Variants in CSNK1D observed in about 807,000 individuals in gnomAD.
CSNK1D encodes casein kinase I isoform delta.
Under a neutral mutation model 46.6 loss-of-function variants are expected in CSNK1D, and 16 were observed. That is an observed-to-expected ratio of 0.34 (90% CI 0.23 to 0.52). The LOEUF (loss-of-function observed/expected upper bound fraction) is 0.52. Ranked by LOEUF, CSNK1D falls within the 20% of genes least tolerant of loss-of-function variation. CSNK1D has a pLI of 0.95. For missense variants in CSNK1D, 398 were observed against 578.4 expected (o/e 0.69, Z 3.20); for synonymous variants, 276 against 228.2 (o/e 1.21, Z -1.89).
At position 82,252,987 on chromosome 17, in the gene CSNK1D, G is replaced by T; in HGVS notation, c.565+29C>A. The stretch of plus-strand genomic sequence containing the variant: ...CATGGACGCGCCCAAAGGCACCCCA[G>T]GTCAGTGACCCCATGCCCAGGGGCT... On this transcript the variant is annotated intron_variant, in intron 4 of 8. Transcript: ENST00000314028. The surrounding 1 kb of genome is among the most constrained non-coding windows in gnomAD (Gnocchi z 4.6). 6.2e-7 allele frequency: 1 copy of T among 1,604,886 alleles called. No homozygotes were observed. Among genetic ancestry groups the T allele is most frequent in the Non-Finnish European group, 8.5e-7 (1 of 1,171,780 alleles).
chr17:82,242,077 GCT>G (rs2050748235), downstream of CSNK1D, among the ~76,000 whole-genome samples: 1 of 150,340 alleles, frequency 6.7e-6, no homozygotes. Context: ...TGGGAGGGGA[GCT>G]GGGAGGGGAG....
At position 82,250,308 on chromosome 17, in the gene CSNK1D, G is replaced by C; in HGVS notation, c.886-706C>G. 1.2e-6 allele frequency: 1 copy of C among 813,772 alleles called. No individual in the cohort carries two copies. Among genetic ancestry groups the C allele is most frequent in the Non-Finnish European group, 1.8e-6 (1 of 561,164 alleles). The allele number at this position is 813,772 out of a possible 1,614,324, so 50.4% of individuals were successfully genotyped here. A position where few individuals can be genotyped will look rare whatever the true frequency, so the allele number is the denominator to read the frequency against. ...CATTGGACACAGCCACGTTCACCAGGCAACACACAGACCGACACACCTGCG... is the reference window on the plus strand; with the variant it reads ...CATTGGACACAGCCACGTTCACCAGCCAACACACAGACCGACACACCTGCG... On this transcript the variant is annotated intron_variant, in intron 6 of 8. Transcript: ENST00000314028. This position sits in a 1 kb window ranked among gnomAD's most constrained non-coding sequence, Gnocchi z 4.6.
Position 82,243,097 on chromosome 17 carries a change from C to A in CSNK1D, c.*1684G>T. 2 of 985,498 alleles carry A rather than the reference C, an allele frequency of 2.0e-6. No homozygotes were observed. The highest frequency in any genetic ancestry group is 9.4e-5 in the South Asian group (2 of 21,288). The allele number at this position is 985,498 out of a possible 1,614,324, so 61.0% of individuals were successfully genotyped here. A position where few individuals can be genotyped will look rare whatever the true frequency, so the allele number is the denominator to read the frequency against. ...CTGTACTTCAACACACAGCTCCCACCCGCTCAAGGCCCCGTACTCCAAAAC... is the reference window on the plus strand; with the variant it reads ...CTGTACTTCAACACACAGCTCCCACACGCTCAAGGCCCCGTACTCCAAAAC... On this transcript the variant is annotated 3_prime_UTR_variant, in exon 9 of 9. Coordinates refer to ENST00000314028, the MANE Select transcript of CSNK1D (RefSeq NM_001893.6).
Position 82,253,109 on chromosome 17 carries a change from C to G in CSNK1D, c.472G>C (p.Asp158His). ...GGGATGTGCTGGTGGGTGCGTGCAT[C>G]CCGGTACTTCTTGGCCAGCCCGAAG... is the stretch of plus-strand genomic sequence containing the variant. ...IDFGLAKKYR[D>H]ARTHQHIPYR... The change falls in exon 4 of 9, where the codon GAT becomes CAT. Residue 158 changes from aspartate (D) to histidine (H), a missense_variant. Transcript: ENST00000314028. 1 of 1,614,184 alleles carries G rather than the reference C, an allele frequency of 6.2e-7. No homozygotes were observed. The highest frequency in any genetic ancestry group is 8.5e-7 in the Non-Finnish European group (1 of 1,180,016).
chr17:82,261,347 C>T (rs964841483), intron 2 of CSNK1D, among the ~76,000 whole-genome samples: 7 of 152,098 alleles, frequency 4.6e-5, no homozygotes, highest in Admixed American at 6.6e-5. Context: ...GCCACTCATG[C>T]TGCTATTTGT....
rs1040784755 is a variant in CSNK1D at position 82,248,770 on chromosome 17, T to C, written c.1197+105A>G. The stretch of plus-strand genomic sequence containing the variant: ...TGGCGAGATTAAAAACTCTCAAAAA[T>C]GGGGGGAAGAAAGGAAAGAAGAAGC... On this transcript the variant is annotated intron_variant, in intron 8 of 8. Transcript: ENST00000314028. This position sits in a 1 kb window ranked among gnomAD's most constrained non-coding sequence, Gnocchi z 4.1. 3.9e-6 allele frequency: 6 copies of C among 1,526,610 alleles called. No individual in the cohort carries two copies. The highest frequency in any genetic ancestry group is 4.4e-6 in the Non-Finnish European group (5 of 1,139,120). 94.6% of individuals were successfully genotyped at this position (1,526,610 alleles called of 1,614,324 possible).
Position 82,253,041 on chromosome 17 carries a change from G to A in CSNK1D, c.540C>T (p.Ala180=), listed in dbSNP as rs373577958. ...NKNLTGTARY[A]SINTHLGIEQ... Reference sequence around the variant, plus strand: ...CAATTCCAAGGTGCGTGTTGATGGAGGCGTACCGCGCCGTCCCCGTGAGGT... The same window carrying A: ...CAATTCCAAGGTGCGTGTTGATGGAAGCGTACCGCGCCGTCCCCGTGAGGT... Residue 180 remains alanine, a synonymous_variant, in exon 4 of 9, where the codon GCC becomes GCT. Transcript: ENST00000314028. 7.9e-5 allele frequency: 127 copies of A among 1,613,982 alleles called. 1 individual carries two copies. Among genetic ancestry groups the A allele is most frequent in the Non-Finnish European group, 1.1e-4 (124 of 1,180,010 alleles).
At chr17:82,245,919 A>G in intron 8 of CSNK1D, 3 of 1,515,220 alleles carry the variant, frequency 2.0e-6, no homozygotes, top group Non-Finnish European at 2.7e-6. Flanking sequence ...TGGGTGGGGC[A>G]TGGTGGCTCC....
chr17:82,250,496 C>G lies in CSNK1D; in HGVS notation c.885+883G>C, dbSNP rs561825473. ...GCCCCGGCAGAGGGACTGATCTGCC[C>G]TGCCGAGTGCACCCCTCCCGGCACC... is the stretch of plus-strand genomic sequence containing the variant. On this transcript the variant is annotated intron_variant, in intron 6 of 8. Coordinates refer to ENST00000314028, the MANE Select transcript of CSNK1D (RefSeq NM_001893.6). This position sits in a 1 kb window ranked among gnomAD's most constrained non-coding sequence, Gnocchi z 4.6. 3.5e-6 allele frequency: 1 copy of G among 283,742 alleles called. No homozygotes were observed. The highest frequency in any genetic ancestry group is 2.9e-5 in the South Asian group (1 of 34,374). The allele number at this position is 283,742 out of a possible 1,614,324, so 17.6% of individuals were successfully genotyped here.
In CSNK1D at chr17:82,252,971, G is replaced by C; in HGVS notation, c.565+45C>G. On this transcript the variant is annotated intron_variant, in intron 4 of 8. Transcript: ENST00000314028. This position sits in a 1 kb window ranked among gnomAD's most constrained non-coding sequence, Gnocchi z 4.6. ...TCTCCCTGGGCTGAGGCATGGACGC[G>C]CCCAAAGGCACCCCAGGTCAGTGAC... 1 of 1,566,754 alleles carries C rather than the reference G, an allele frequency of 6.4e-7. No individual in the cohort carries two copies. The highest frequency in any genetic ancestry group is 8.8e-7 in the Non-Finnish European group (1 of 1,138,798).
chr17:82,269,303 C>T (rs2051558365), intron 1 of CSNK1D, among the ~76,000 whole-genome samples: 1 of 152,096 alleles, frequency 6.6e-6, no homozygotes, highest in South Asian at 2.1e-4. Flanking sequence ...GTCAGCAGTA[C>T]CACGACTTCT....
Position 82,248,016 on chromosome 17 carries a change from T to C in CSNK1D, c.1197+859A>G. 1 of 985,306 alleles carries C rather than the reference T, an allele frequency of 1.0e-6. No individual in the cohort carries two copies. The highest frequency in any genetic ancestry group is 1.2e-6 in the Non-Finnish European group (1 of 829,940). The allele number at this position is 985,306 out of a possible 1,614,324, so 61.0% of individuals were successfully genotyped here. A position where few individuals can be genotyped will look rare whatever the true frequency, so the allele number is the denominator to read the frequency against. On this transcript the variant is annotated intron_variant, in intron 8 of 8. Transcript: ENST00000314028. The surrounding 1 kb of genome is among the most constrained non-coding windows in gnomAD (Gnocchi z 4.1). The stretch of plus-strand genomic sequence containing the variant: ...CAGCAGGCCTGGCTCCATCCTGTGA[T>C]CCCAACAAACACCTCCCCACAAGCC...
chr17:82,247,969 C>G lies in CSNK1D; in HGVS notation c.1197+906G>C, dbSNP rs930116550. The stretch of plus-strand genomic sequence containing the variant: ...CTCCGGCATGTTCCTGGCTAGCCAG[C>G]TACACCCAGCCCCGCTCACGGCAGC... On this transcript the variant is annotated intron_variant, in intron 8 of 8. Coordinates refer to ENST00000314028, the MANE Select transcript of CSNK1D (RefSeq NM_001893.6). 14 of 985,376 alleles carry G rather than the reference C, an allele frequency of 1.4e-5. No individual in the cohort carries two copies. The African/African-American group carries it at 2.3e-4, about 16-fold the overall frequency. 61.0% of individuals were successfully genotyped at this position (985,376 alleles called of 1,614,324 possible).
chr17:82,260,045 CTGATGGTGTACTGACTGAT>C (rs2051285876), intron 2 of CSNK1D, among the ~76,000 whole-genome samples: 8 of 144,470 alleles, frequency 5.5e-5, no homozygotes, highest in African/African-American at 1.9e-4. Context: ...ACTGATGTGA[CTGATGGTGTACTGACTGAT>C]GTGACTGATG....
downstream of CSNK1D, chr17:82,239,134 T>A: frequency 1.5e-6 from 1 of 672,524 alleles, no homozygotes; most frequent in Non-Finnish European, 2.4e-6. Flanking sequence ...AGGGGGAAGG[T>A]GGCGGGGTGG....
At chr17:82,253,741 C>T in intron 3 of CSNK1D, 1 of 315,196 alleles carries the variant, frequency 3.2e-6, no homozygotes, top group South Asian at 2.6e-5. Context: ...CCGAAGCCTC[C>T]AGAAGCCTCG....
intron 8 of CSNK1D, chr17:82,246,149 GAC>G: frequency 4.5e-6 from 7 of 1,545,418 alleles, no homozygotes; most frequent in Non-Finnish European, 6.1e-6. Flanking sequence ...TCCACAGACC[GAC>G]AGGTGCCACC....
intron 2 of CSNK1D, among the ~76,000 whole-genome samples, chr17:82,263,761 C>T (rs1308621972): frequency 6.6e-6 from 1 of 152,252 alleles, no homozygotes; most frequent in Admixed American, 6.5e-5. Context: ...GACCCCAGCA[C>T]CAGGCTCCCG....
In CSNK1D at chr17:82,249,461, G is replaced by A. The variant is rs1182754676; in HGVS notation, c.1027C>T (p.Pro343Ser). ...TGTGAGGTAGGGGTGAGGGGTGTGGGGGGAGCCACTTCCTGCGTCCCCCGC... is the reference window on the plus strand; with the variant it reads ...TGTGAGGTAGGGGTGAGGGGTGTGGAGGGAGCCACTTCCTGCGTCCCCCGC... ...RLRGTQEVAP[P>S]TPLTPTSHTA... Residue 343 changes from proline to serine, a missense_variant, in exon 7 of 9, where the codon CCC becomes TCC. Around this residue, in one of 2 missense-constraint regions of CSNK1D, gnomAD observed 181 missense variants for 208.0 expected, o/e 0.87. Coordinates refer to ENST00000314028, the MANE Select transcript of CSNK1D (RefSeq NM_001893.6). The surrounding 1 kb of genome is among the most constrained non-coding windows in gnomAD (Gnocchi z 6.7). The A allele has an allele frequency of 1.3e-6, 2 of 1,540,266 alleles. No homozygotes were observed. The highest frequency in any genetic ancestry group is 1.4e-5 in the African/African-American group (1 of 73,012).
Sources: gnomAD v4.1 joint callset for allele counts (sites outside exome capture counted in the v4.1 genomes callset) on GRCh38, gnomAD v4.1.1 for gene constraint, gnomAD v4.1.1 regional missense constraint, Gnocchi (gnomAD v3.1) non-coding constraint, MANE v1.5 for transcripts, NCBI Gene and HGNC (gene_info 2026-07-23, HGNC 2026-07-21) for gene names.